NXPE2: variants seen among roughly 807,000 people sequenced by gnomAD.
NXPE2 encodes the protein neurexophilin and PC-esterase domain family member 2.
Under a neutral mutation model 34.4 loss-of-function variants are expected in NXPE2, and 34 were observed. That is an observed-to-expected ratio of 0.99 (90% CI 0.75 to 1.31). The LOEUF (loss-of-function observed/expected upper bound fraction) is 1.31. Among genes scored for constraint, NXPE2 ranks in the 40% most tolerant of loss-of-function variants. NXPE2 has a pLI of 0.00. For synonymous variants in NXPE2, 235 were observed against 231.3 expected, an observed-to-expected ratio of 1.02 and a Z score of -0.15; for missense variants, 649 against 672.5, an observed-to-expected ratio of 0.97 and a Z score of 0.39.
chr11:114,601,884 T>TTA, the NXPE2 span, among the ~76,000 whole-genome samples: 7 of 15,798 alleles, frequency 4.4e-4, no homozygotes, highest in Admixed American at 2.3e-3. Context: ...TTATATATAA[T>TTA]TATATATTAT....
At chr11:114,693,345 A>G (rs894339827) in intron 2 of NXPE2, among the ~76,000 whole-genome samples, 2 of 152,350 alleles carry the variant, frequency 1.3e-5, no homozygotes, top group African/African-American at 2.4e-5. Flanking sequence ...CAAAAGAGCT[A>G]TCCCACAAAG....
the NXPE2 span, among the ~76,000 whole-genome samples, chr11:114,499,802 G>A: frequency 9.9e-3 from 1,501 of 152,230 alleles, 30 homozygotes; most frequent in African/African-American, 0.034. Context: ...GACAATTGCT[G>A]CTGATTTCTG....
chr11:114,586,272 TC>T, the NXPE2 span, among the ~76,000 whole-genome samples: 9 of 152,322 alleles, frequency 5.9e-5, no homozygotes, highest in African/African-American at 2.2e-4. Flanking sequence ...TATGTCCATG[TC>T]CTTGATTTCC....
chr11:114,682,191 C>G (rs1950961040), intron 2 of NXPE2, among the ~76,000 whole-genome samples: 1 of 152,174 alleles, frequency 6.6e-6, no homozygotes, highest in Admixed American at 6.5e-5. Flanking sequence ...TAAGATATAA[C>G]TTCTGTAAGT....
At chr11:114,607,611 A>G in the NXPE2 span, among the ~76,000 whole-genome samples, 2 of 151,818 alleles carry the variant, frequency 1.3e-5, no homozygotes, top group Non-Finnish European at 2.9e-5. Flanking sequence ...GTGAGTAACC[A>G]GTGTTACCCG....
At chr11:114,788,509 G>A in the NXPE2 span, among the ~76,000 whole-genome samples, 1 of 152,216 alleles carries the variant, frequency 6.6e-6, no homozygotes, top group Non-Finnish European at 1.5e-5. Flanking sequence ...AGGACCACCA[G>A]TATCTCTCCA....
the NXPE2 span, among the ~76,000 whole-genome samples, chr11:114,605,631 C>T: frequency 1.2e-3 from 177 of 151,864 alleles, 1 homozygote; most frequent in African/African-American, 3.9e-3. Flanking sequence ...AGTGTTGCCT[C>T]GTGGGTAACC....
At chr11:114,753,112 G>A in the NXPE2 span, among the ~76,000 whole-genome samples, 93 of 152,318 alleles carry the variant, frequency 6.1e-4, no homozygotes, top group African/African-American at 2.1e-3. Flanking sequence ...AAATGCTAGT[G>A]AAAGGTGAAG....
the NXPE2 span, among the ~76,000 whole-genome samples, chr11:114,536,095 G>A: frequency 1.3e-5 from 2 of 152,128 alleles, no homozygotes; most frequent in East Asian, 1.9e-4. Context: ...TCAGACCACA[G>A]TGCAATCAAA....
chr11:114,539,103 A>G, the NXPE2 span, among the ~76,000 whole-genome samples: 18 of 152,378 alleles, frequency 1.2e-4, no homozygotes, highest in East Asian at 3.5e-3. Flanking sequence ...CTATGCAGCC[A>G]TAAAAAATAA....
chr11:114,664,135 G>A, the NXPE2 span, among the ~76,000 whole-genome samples: 1 of 152,054 alleles, frequency 6.6e-6, no homozygotes, highest in Non-Finnish European at 1.5e-5. Context: ...AATGTCCTTC[G>A]ACTAATTAAA....
At chr11:114,652,198 G>A in the NXPE2 span, among the ~76,000 whole-genome samples, 4 of 152,156 alleles carry the variant, frequency 2.6e-5, no homozygotes, top group Admixed American at 6.5e-5. Flanking sequence ...ATACTGAGAG[G>A]GGCTCTGAGA....
intron 4 of NXPE2, among the ~76,000 whole-genome samples, chr11:114,704,964 T>C (rs188092110): frequency 2.0e-5 from 3 of 152,314 alleles, no homozygotes; most frequent in Non-Finnish European, 4.4e-5. Context: ...CAGACTGTAA[T>C]TTTTGGAGCC....
At chr11:114,676,893 G>C (rs1950863650), upstream of NXPE2, among the ~76,000 whole-genome samples, 1 of 151,982 alleles carries the variant, frequency 6.6e-6, no homozygotes, top group African/African-American at 2.4e-5. Flanking sequence ...AAGAAATTGT[G>C]TCATATATAC....
the NXPE2 span, among the ~76,000 whole-genome samples, chr11:114,626,869 A>G: frequency 1.5e-4 from 23 of 152,180 alleles, 2 homozygotes; most frequent in Admixed American, 1.4e-3. Flanking sequence ...CTACGTGAAG[A>G]ATGCAGAAGC....
At chr11:114,588,948 G>A in the NXPE2 span, among the ~76,000 whole-genome samples, 131 of 152,200 alleles carry the variant, frequency 8.6e-4, no homozygotes, top group Non-Finnish European at 1.2e-3. Context: ...ACCTCCTGAG[G>A]GTGGCCACCT....
the NXPE2 span, among the ~76,000 whole-genome samples, chr11:114,509,762 G>A: frequency 1.3e-5 from 2 of 152,132 alleles, no homozygotes; most frequent in African/African-American, 2.4e-5. Flanking sequence ...ACACACAGGG[G>A]CCTGTTGGAG....
chr11:114,553,647 A>C, the NXPE2 span: 108 of 802,530 alleles, frequency 1.3e-4, no homozygotes, highest in Non-Finnish European at 1.5e-4. Context: ...TTAGAATCCT[A>C]TGGCCAGATA....
the NXPE2 span, among the ~76,000 whole-genome samples, chr11:114,629,700 G>A: frequency 6.6e-6 from 1 of 151,936 alleles, no homozygotes; most frequent in East Asian, 1.9e-4. Context: ...GGAATAAAGG[G>A]TATTCAATTA....
Sources: gnomAD v4.1 joint callset for allele counts (sites outside exome capture counted in the v4.1 genomes callset) on GRCh38, gnomAD v4.1.1 for gene constraint, MANE v1.5 for transcripts, NCBI Gene and HGNC (gene_info 2026-07-23, HGNC 2026-07-21) for gene names.